Variants in PLXDC2 observed in about 807,000 individuals in gnomAD.
The protein encoded by PLXDC2 is plexin domain containing 2, also known as plexin domain-containing protein 2.
PLXDC2 carries 40 observed loss-of-function variants against 68.9 expected under a neutral mutation model. The ratio of observed to expected loss-of-function variants is 0.58; its 90% CI spans 0.45 to 0.76. PLXDC2 has a LOEUF of 0.76. Among genes scored for constraint, PLXDC2 ranks in the 30% least tolerant of loss-of-function variants. The pLI, the probability that PLXDC2 is intolerant of heterozygous loss-of-function variation, is 0.00. For synonymous variants in PLXDC2, 243 were observed against 234.2 expected (o/e 1.04, Z -0.34); for missense variants, 644 against 661.9 (o/e 0.97, Z 0.30).
chr10:19,848,635 G>T (rs568298103), intron 1 of PLXDC2, among the ~76,000 whole-genome samples: 1 of 152,310 alleles, frequency 6.6e-6, no homozygotes, highest in African/African-American at 2.4e-5. Flanking sequence ...TGTTGTCATT[G>T]TTGTTAACTT....
intron 4 of PLXDC2, among the ~76,000 whole-genome samples, chr10:20,131,273 T>C (rs1833864230): frequency 1.3e-5 from 2 of 152,058 alleles, no homozygotes; most frequent in African/African-American, 4.8e-5. Flanking sequence ...CGTGGTAATA[T>C]GTATGTTTCC....
chr10:19,855,289 T>G (rs1462233093), intron 1 of PLXDC2, among the ~76,000 whole-genome samples: 1 of 152,180 alleles, frequency 6.6e-6, no homozygotes, highest in Non-Finnish European at 1.5e-5. Flanking sequence ...CAAAGGCTGG[T>G]GTCATTTCAA....
chr10:19,869,170 G>A (rs1398690755), intron 1 of PLXDC2, among the ~76,000 whole-genome samples: 3 of 152,062 alleles, frequency 2.0e-5, no homozygotes, highest in African/African-American at 7.2e-5. Context: ...GCCAAGGTGG[G>A]TGGATCACTT....
Position 19,910,719 on chromosome 10 carries a change from G to A in PLXDC2, c.113-91056G>A, listed in dbSNP as rs542070324. On this transcript the variant is annotated intron_variant, in intron 1 of 13. Transcript: ENST00000377252. ...CACCAGCTGCCACTATCTAAGAATA[G>A]CCTAGTTCAGGCCGGGTGCAGTGGC... is the stretch of plus-strand genomic sequence containing the variant. Among the ~76,000 whole-genome samples, 22 of 149,596 alleles carry A rather than the reference G, an allele frequency of 1.5e-4. No homozygotes were observed. The East Asian group carries it at 4.4e-3, about 30-fold the overall frequency.
chr10:19,920,241 G>T (rs1178555505), intron 1 of PLXDC2, among the ~76,000 whole-genome samples: 1 of 152,186 alleles, frequency 6.6e-6, no homozygotes. Context: ...TAGGGGGAAA[G>T]GAACTGCTGA....
chr10:20,147,564 A>G (rs1834095993), intron 5 of PLXDC2, among the ~76,000 whole-genome samples: 1 of 152,204 alleles, frequency 6.6e-6, no homozygotes, highest in Non-Finnish European at 1.5e-5. Flanking sequence ...TGACCTTAGT[A>G]TGAGGTTCTA....
rs1344921139 is a variant in PLXDC2, at chr10:20,012,324, TTTTTTTTTTTGG to T, written c.324+10339_324+10350del. ...CTCTCTTTTTTATTTTTTTTTTTTT[TTTTTTTTTTTGG>T]AGAAGGAGACTTGCTGTGTTTCCCA... On this transcript the variant is annotated intron_variant, in intron 2 of 13. Transcript: ENST00000377252. Among the ~76,000 whole-genome samples the T allele has an allele frequency of 8.1e-3, 163 of 20,066 alleles. 3 individuals carry two copies. Among genetic ancestry groups the T allele is most frequent in the African/African-American group, 0.019 (147 of 7,756 alleles). 13.2% of individuals were successfully genotyped at this position (20,066 alleles called of 152,430 possible). A position where few individuals can be genotyped will look rare whatever the true frequency, so the allele number is the denominator to read the frequency against.
chr10:20,021,809 C>T (rs1258395530), intron 2 of PLXDC2, among the ~76,000 whole-genome samples: 1 of 152,092 alleles, frequency 6.6e-6, no homozygotes, highest in Non-Finnish European at 1.5e-5. Context: ...AGCCATTCTC[C>T]TGTCTCAGCC....
intron 2 of PLXDC2, among the ~76,000 whole-genome samples, chr10:20,039,196 G>A (rs1212936088): frequency 2.6e-5 from 4 of 152,096 alleles, no homozygotes; most frequent in Non-Finnish European, 5.9e-5. Flanking sequence ...ATGTAGCTGT[G>A]TGTCCAGTTT....
intron 1 of PLXDC2, among the ~76,000 whole-genome samples, chr10:19,891,241 T>C (rs1017285956): frequency 6.6e-6 from 1 of 152,208 alleles, no homozygotes; most frequent in East Asian, 1.9e-4. Flanking sequence ...CTCTGGATAG[T>C]AATACCAAAA....
At chr10:19,889,341 T>C (rs1378001297) in intron 1 of PLXDC2, among the ~76,000 whole-genome samples, 3 of 152,156 alleles carry the variant, frequency 2.0e-5, no homozygotes, top group African/African-American at 7.2e-5. Context: ...GGACCGTGAA[T>C]TAACTCATTC....
At chr10:20,188,515 T>A (rs1564346667) in intron 9 of PLXDC2, among the ~76,000 whole-genome samples, 1 of 151,744 alleles carries the variant, frequency 6.6e-6, no homozygotes, top group East Asian at 1.9e-4. Context: ...GGCTTTTTAA[T>A]AAGCCTTTTT....
At chr10:20,038,093 G>A (rs1835611952) in intron 2 of PLXDC2, among the ~76,000 whole-genome samples, 1 of 151,990 alleles carries the variant, frequency 6.6e-6, no homozygotes, top group African/African-American at 2.4e-5. Context: ...AAAATTAGCC[G>A]GAAGTGGTGG....
chr10:19,888,581 T>C (rs758700206), intron 1 of PLXDC2, among the ~76,000 whole-genome samples: 2 of 152,124 alleles, frequency 1.3e-5, no homozygotes, highest in Non-Finnish European at 2.9e-5. Context: ...AAGCAGTCAT[T>C]ATCAGGGAAG....
intron 4 of PLXDC2, among the ~76,000 whole-genome samples, chr10:20,095,666 C>T (rs1387338645): frequency 6.6e-6 from 1 of 152,066 alleles, no homozygotes; most frequent in Admixed American, 6.6e-5. Flanking sequence ...AAATTCTGTG[C>T]TCTACTGAGG....
chr10:20,167,900 T>C (rs1314648302), intron 7 of PLXDC2, among the ~76,000 whole-genome samples: 1 of 152,156 alleles, frequency 6.6e-6, no homozygotes, highest in East Asian at 1.9e-4. Context: ...AATTTCTCCC[T>C]ATTCATTCTT....
intron 1 of PLXDC2, among the ~76,000 whole-genome samples, chr10:19,877,256 G>GGA (rs771665642): frequency 8.6e-5 from 13 of 151,624 alleles, no homozygotes; most frequent in Non-Finnish European, 1.9e-4. Flanking sequence ...GGGGAGAGAG[G>GGA]GAGAGAGAGA....
intron 12 of PLXDC2, among the ~76,000 whole-genome samples, chr10:20,238,854 A>G (rs1353620385): frequency 1.3e-5 from 2 of 151,246 alleles, no homozygotes; most frequent in Non-Finnish European, 2.9e-5. Context: ...CTGTGTCTAA[A>G]TATTGATCTG....
At chr10:20,223,373 C>T (rs1048263252) in intron 12 of PLXDC2, among the ~76,000 whole-genome samples, 6 of 143,608 alleles carry the variant, frequency 4.2e-5, no homozygotes, top group Admixed American at 7.3e-5. Flanking sequence ...AGTGCAGTGA[C>T]GCGAACTTGG....
Sources: gnomAD v4.1 joint callset for allele counts (sites outside exome capture counted in the v4.1 genomes callset) on GRCh38, gnomAD v4.1.1 for gene constraint, MANE v1.5 for transcripts, NCBI Gene and HGNC (gene_info 2026-07-23, HGNC 2026-07-21) for gene names.